Variants in SLFN13 observed in about 807,000 individuals in gnomAD.
SLFN13 encodes the protein schlafen family member 13.
Under a neutral mutation model 50.6 loss-of-function variants are expected in SLFN13, and 43 were observed. The observed-to-expected ratio is 0.85, with a 90% CI of 0.67 to 1.09. The LOEUF is 1.09. SLFN13 is among the 50% of genes least tolerant of loss of function. The pLI is 0.00. For synonymous variants in SLFN13, 339 were observed against 386.5 expected, an observed-to-expected ratio of 0.88 and a Z score of 1.44; for missense variants, 881 against 1,071.1, an observed-to-expected ratio of 0.82 and a Z score of 2.48.
chr17:35,444,691 T>C lies in SLFN13; in HGVS notation c.990A>G (p.Ser330=). The change falls in exon 3 of 6, where the codon TCA becomes TCG. Residue 330 remains serine, a synonymous_variant. Coordinates refer to ENST00000285013, the MANE Select transcript of SLFN13 (RefSeq NM_144682.6). The stretch of plus-strand genomic sequence containing the variant: ...GGATGTACTTCTCCCTCACCATCCA[T>C]GACTTGGGAGCTTCCGAGAACACCA... ...CCVVFSEAPK[S]WMVREKYIRP... 6.2e-7 allele frequency: 1 copy of C among 1,614,230 alleles called. No individual in the cohort carries two copies. Among genetic ancestry groups the C allele is most frequent in the Non-Finnish European group, 8.5e-7 (1 of 1,180,046 alleles).
At position 35,439,881 on chromosome 17, in the gene SLFN13, A is replaced by T. The variant is rs1235996206; in HGVS notation, c.*714T>A. ...GGGTTTCTAATATTAACTTCTACTG[A>T]AAGCCAGCATTTTCTCTTGGCCTAT... is the stretch of plus-strand genomic sequence containing the variant. On this transcript the variant is annotated 3_prime_UTR_variant, in exon 6 of 6. Coordinates refer to ENST00000285013, the MANE Select transcript of SLFN13 (RefSeq NM_144682.6). 6.6e-6 allele frequency: 1 copy of T among 152,162 alleles called. No individual in the cohort carries two copies. The highest frequency in any genetic ancestry group is 2.1e-4 in the South Asian group (1 of 4,836). 9.4% of individuals were successfully genotyped at this position (152,162 alleles called of 1,614,324 possible).
At position 35,445,670 on chromosome 17, in the gene SLFN13, T is replaced by A. The variant is rs12943866; in HGVS notation, c.11A>T (p.Asn4Ile). 1.3e-6 allele frequency: 2 copies of A among 1,596,936 alleles called. No individual in the cohort carries two copies. Among genetic ancestry groups the A allele is most frequent in the South Asian group, 2.3e-5 (2 of 88,868 alleles). ...TGGATACACACCCAGGGAGCAGTGA[T>A]TTGCCTCCATGTTGAACTTGCACCT... MEA[N>I]HCSLGVYPSY... The change falls in exon 3 of 6, where the codon AAT becomes ATT. Residue 4 changes from asparagine to isoleucine, a missense_variant. By Grantham distance (149) the Asn-to-Ile change is moderately radical. Transcript: ENST00000285013.
Position 35,436,297 on chromosome 17 carries a change from C to A in SLFN13, c.*4298G>T, listed in dbSNP as rs902759804. The A allele has an allele frequency of 2.0e-5, 3 of 152,052 alleles. No individual in the cohort carries two copies. Among genetic ancestry groups the A allele is most frequent in the African/African-American group, 7.2e-5 (3 of 41,406 alleles). The allele number at this position is 152,052 out of a possible 1,614,324, so 9.4% of individuals were successfully genotyped here. A position where few individuals can be genotyped will look rare whatever the true frequency, so the allele number is the denominator to read the frequency against. Reference sequence around the variant, plus strand: ...TCTGCTTTGATCCACGAGTTAAACACTTTTTTAATTCCAAAAGATATGAAC... The same window carrying A: ...TCTGCTTTGATCCACGAGTTAAACAATTTTTTAATTCCAAAAGATATGAAC... On this transcript the variant is annotated 3_prime_UTR_variant, in exon 6 of 6. Coordinates refer to ENST00000285013, the MANE Select transcript of SLFN13 (RefSeq NM_144682.6).
chr17:35,444,304 T>G (rs1257605024), intron 3 of SLFN13, among the ~76,000 whole-genome samples: 1 of 152,232 alleles, frequency 6.6e-6, no homozygotes, highest in Non-Finnish European at 1.5e-5. Context: ...AGAGTTGATT[T>G]TATGCTAATC....
In SLFN13 at chr17:35,438,656, C is replaced by T. The variant is rs1242246728; in HGVS notation, c.*1939G>A. ...ATTTTGCTCAAGTTAGAAGAGCCTA[C>T]AATTTCAAGGCTAGACAACTGGAAT... On this transcript the variant is annotated 3_prime_UTR_variant, in exon 6 of 6. Transcript: ENST00000285013. 1 of 152,090 alleles carries T rather than the reference C, an allele frequency of 6.6e-6. No homozygotes were observed. Among genetic ancestry groups the T allele is most frequent in the African/African-American group, 2.4e-5 (1 of 41,424 alleles). The allele number at this position is 152,090 out of a possible 1,614,324, so 9.4% of individuals were successfully genotyped here. A position where few individuals can be genotyped will look rare whatever the true frequency, so the allele number is the denominator to read the frequency against.
In SLFN13 at chr17:35,444,963, T is replaced by G; in HGVS notation, c.718A>C (p.Thr240Pro). 1 of 1,614,184 alleles carries G rather than the reference T, an allele frequency of 6.2e-7. No individual in the cohort carries two copies. Among genetic ancestry groups the G allele is most frequent in the Non-Finnish European group, 8.5e-7 (1 of 1,180,020 alleles). Reference protein sequence around the residue: ...IPEYISAFANTEGGYLFIGVD... With the variant: ...IPEYISAFANPEGGYLFIGVD... ...CCAATAAAAAGATAGCCTCCCTCAG[T>G]GTTTGCAAATGCAGAGATGTACTCT... is the stretch of plus-strand genomic sequence containing the variant. Residue 240 changes from threonine (T) to proline (P), a missense_variant, in exon 3 of 6, where the codon ACT becomes CCT. Thr to Pro is a conservative substitution (Grantham distance 38). Transcript: ENST00000285013.
rs1912745350 is a variant in SLFN13 at position 35,439,482 on chromosome 17, T to TC, written c.*1112dup. On this transcript the variant is annotated 3_prime_UTR_variant, in exon 6 of 6. Transcript: ENST00000285013. ...CAACATAAACTCACTGCATTTTTTT[T>TC]CTTCTTCTTCTTTTTGAGACAGTCT... 1 of 151,542 alleles carries TC rather than the reference T, an allele frequency of 6.6e-6. No individual in the cohort carries two copies. The highest frequency in any genetic ancestry group is 1.5e-5 in the Non-Finnish European group (1 of 67,882). 9.4% of individuals were successfully genotyped at this position (151,542 alleles called of 1,614,324 possible).
In SLFN13 at chr17:35,444,775, A is replaced by C. The variant is rs1466017867; in HGVS notation, c.906T>G (p.Phe302Leu). ...VEYSTKIVEV[F>L]CGKELYGYLC... ...GATAGCCATACAACTCTTTCCCACAAAACACTTCTACGATTTTGGTGCTGT... is the reference window on the plus strand; with the variant it reads ...GATAGCCATACAACTCTTTCCCACACAACACTTCTACGATTTTGGTGCTGT... Residue 302 changes from phenylalanine to leucine, a missense_variant, in exon 3 of 6, where the codon TTT (phenylalanine) becomes TTG (leucine). Physicochemically the swap from Phe to Leu is conservative, Grantham distance 22. Coordinates refer to ENST00000285013, the MANE Select transcript of SLFN13 (RefSeq NM_144682.6). 14 of 1,614,204 alleles carry C rather than the reference A, an allele frequency of 8.7e-6. No individual in the cohort carries two copies. The highest frequency in any genetic ancestry group is 1.1e-5 in the Non-Finnish European group (13 of 1,180,042).
chr17:35,447,592 G>C (rs746557792), intron 1 of SLFN13, among the ~76,000 whole-genome samples, 178 bp from the exon 2 acceptor site: 5 of 152,158 alleles, frequency 3.3e-5, no homozygotes, highest in African/African-American at 4.8e-5. Context: ...GGTAAAATCA[G>C]AACAACACAA....
At chr17:35,449,163 C>T (rs941371878), upstream of SLFN13, among the ~76,000 whole-genome samples, 1 of 151,350 alleles carries the variant, frequency 6.6e-6, no homozygotes, top group Non-Finnish European at 1.5e-5. Flanking sequence ...CACTTGAGCC[C>T]GAGGAAGTCC....
chr17:35,438,287 CAG>C lies in SLFN13; in HGVS notation c.*2306_*2307del, dbSNP rs1268840641. The C allele has an allele frequency of 6.6e-6, 1 of 151,332 alleles. No individual in the cohort carries two copies. Among genetic ancestry groups the C allele is most frequent in the Non-Finnish European group, 1.5e-5 (1 of 67,898 alleles). 9.4% of individuals were successfully genotyped at this position (151,332 alleles called of 1,614,324 possible). A position where few individuals can be genotyped will look rare whatever the true frequency, so the allele number is the denominator to read the frequency against. On this transcript the variant is annotated 3_prime_UTR_variant, in exon 6 of 6. Transcript: ENST00000285013. Reference sequence around the variant, plus strand: ...CAAACTCTCAATTTTTTATTTAAAACAGAAATGCAATAAATATATAAGCTAAA... The same window carrying C: ...CAAACTCTCAATTTTTTATTTAAAACAAATGCAATAAATATATAAGCTAAA...
Position 35,445,317 on chromosome 17 carries a change from A to T in SLFN13, c.364T>A (p.Ser122Thr), listed in dbSNP as rs1307218592. Residue 122 changes from serine to threonine, a missense_variant, in exon 3 of 6, where the codon TCT becomes ACT. Physicochemically the swap from Ser to Thr is moderately conservative, Grantham distance 58. Coordinates refer to ENST00000285013, the MANE Select transcript of SLFN13 (RefSeq NM_144682.6). ...WSGDPFLKDG[S>T]FNSRICSLSS... ...AGGCTGCAAATGCGGGAATTGAAAG[A>T]ACCATCTTTAAGGAAAGGATCACCA... 6.2e-7 allele frequency: 1 copy of T among 1,613,764 alleles called. No homozygotes were observed. Among genetic ancestry groups the T allele is most frequent in the Non-Finnish European group, 8.5e-7 (1 of 1,179,976 alleles).
At chr17:35,444,453 C>G (rs889806517) in intron 3 of SLFN13, among the ~76,000 whole-genome samples, 162 bp downstream of exon 3, 1 of 152,164 alleles carries the variant, frequency 6.6e-6, no homozygotes, top group Non-Finnish European at 1.5e-5. Flanking sequence ...CTCATTTTGG[C>G]TTTTTCTCAC....
chr17:35,441,970 G>A lies in SLFN13; in HGVS notation c.1515C>T (p.Thr505=), dbSNP rs199776972. 1.9e-3 allele frequency: 3,033 copies of A among 1,611,726 alleles called. No individual in the cohort carries two copies. The highest frequency in any genetic ancestry group is 9.4e-3 in the East Asian group (418 of 44,678). ...KQKLVNMGGY[T]GKVCVRAKVL... ...CCTTGGCCCTGACACACACCTTCCC[G>A]GTGTAGCCCCCCATGTTCACTAGCT... Residue 505 remains threonine (T), a synonymous_variant, in exon 5 of 6, where the codon ACC becomes ACT. Transcript: ENST00000285013.
Position 35,438,670 on chromosome 17 carries a change from G to C in SLFN13, c.*1925C>G, listed in dbSNP as rs1342053778. 6.6e-6 allele frequency: 1 copy of C among 152,108 alleles called. No homozygotes were observed. Among genetic ancestry groups the C allele is most frequent in the Non-Finnish European group, 1.5e-5 (1 of 68,022 alleles). The allele number at this position is 152,108 out of a possible 1,614,324, so 9.4% of individuals were successfully genotyped here. A position where few individuals can be genotyped will look rare whatever the true frequency, so the allele number is the denominator to read the frequency against. On this transcript the variant is annotated 3_prime_UTR_variant, in exon 6 of 6. Coordinates refer to ENST00000285013, the MANE Select transcript of SLFN13 (RefSeq NM_144682.6). Reference sequence around the variant, plus strand: ...AGAAGAGCCTACAATTTCAAGGCTAGACAACTGGAATTCCATGAGTTAACA... The same window carrying C: ...AGAAGAGCCTACAATTTCAAGGCTACACAACTGGAATTCCATGAGTTAACA...
Position 35,445,277 on chromosome 17 carries a change from T to C in SLFN13, c.404A>G (p.Tyr135Cys), listed in dbSNP as rs762013186. Residue 135 changes from tyrosine (Y) to cysteine (C), a missense_variant, in exon 3 of 6, where the codon TAC becomes TGC. By Grantham distance (194) the Tyr-to-Cys change is radical. Around this residue, in one of 5 missense-constraint regions of SLFN13, gnomAD observed 497 missense variants for 518.3 expected, o/e 0.96. Transcript: ENST00000285013. ...SRICSLSSSL[Y>C]CRSGTSVLHM... ...AAGCACAGAGGTGCCAGATCTACAG[T>C]ATAATGAAGAACTAAGGCTGCAAAT... The C allele has an allele frequency of 2.5e-6, 4 of 1,613,998 alleles. No individual in the cohort carries two copies. The highest frequency in any genetic ancestry group is 1.1e-5 in the South Asian group (1 of 91,084).
At position 35,440,434 on chromosome 17, in the gene SLFN13, A is replaced by G. The variant is rs1339401807; in HGVS notation, c.*161T>C. On this transcript the variant is annotated 3_prime_UTR_variant, in exon 6 of 6. Coordinates refer to ENST00000285013, the MANE Select transcript of SLFN13 (RefSeq NM_144682.6). Reference sequence around the variant, plus strand: ...AAAGAGTTGGGGGAGGAACCCCTGAAAGGAGAGCCAGAAATGGGGGAGCTC... The same window carrying G: ...AAAGAGTTGGGGGAGGAACCCCTGAGAGGAGAGCCAGAAATGGGGGAGCTC... 2.6e-5 allele frequency: 22 copies of G among 853,216 alleles called. No homozygotes were observed. Among genetic ancestry groups the G allele is most frequent in the Non-Finnish European group, 3.6e-5 (20 of 558,670 alleles). The allele number at this position is 853,216 out of a possible 1,614,324, so 52.9% of individuals were successfully genotyped here.
chr17:35,441,239 C>A lies in SLFN13; in HGVS notation c.2050G>T (p.Ala684Ser), dbSNP rs116756555. 8 of 1,614,040 alleles carry A rather than the reference C, an allele frequency of 5.0e-6. No homozygotes were observed. The East Asian group carries it at 1.8e-4, about 36-fold the overall frequency. The change falls in exon 6 of 6, where the codon GCA (alanine) becomes TCA (serine). Residue 684 changes from alanine to serine, a missense_variant. Coordinates refer to ENST00000285013, the MANE Select transcript of SLFN13 (RefSeq NM_144682.6). ...TTTTCTCTCTGAGTGATGGTTTTTG[C>A]CTTCCTATACCAGTCCCCATCTTCA... ...RTEDGDWYRK[A>S]KTITQREKDC...
chr17:35,438,511 G>A lies in SLFN13; in HGVS notation c.*2084C>T, dbSNP rs539245607. ...TCTCAAAGGCTGAAATAACTCCAAA[G>A]ACCAGGGAGTTTACTAAGAACATTT... is the stretch of plus-strand genomic sequence containing the variant. On this transcript the variant is annotated 3_prime_UTR_variant, in exon 6 of 6. Coordinates refer to ENST00000285013, the MANE Select transcript of SLFN13 (RefSeq NM_144682.6). 9.2e-5 allele frequency: 14 copies of A among 152,194 alleles called. No individual in the cohort carries two copies. The highest frequency in any genetic ancestry group is 3.1e-4 in the African/African-American group (13 of 41,544). 9.4% of individuals were successfully genotyped at this position (152,194 alleles called of 1,614,324 possible).
Sources: allele counts gnomAD v4.1 joint callset (sites outside exome capture counted in the v4.1 genomes callset), GRCh38; gene constraint gnomAD v4.1.1; regional missense constraint gnomAD v4.1.1; transcripts MANE v1.5; gene names NCBI Gene and HGNC (gene_info 2026-07-23, HGNC 2026-07-21).